The following ADGRL3 variants were observed in gnomAD, a reference collection of about 807,000 sequenced individuals.
The protein encoded by ADGRL3 is calcium-independent alpha-latrotoxin receptor 3.
Under a neutral mutation model 153.5 loss-of-function variants are expected in ADGRL3, and 62 were observed. The ratio of observed to expected loss-of-function variants is 0.40; its 90% CI spans 0.33 to 0.50. The LOEUF is 0.50. ADGRL3 is among the 20% of genes least tolerant of loss of function. The pLI is 0.47. For missense variants in ADGRL3, 1,641 were observed against 1,859.4 expected, an observed-to-expected ratio of 0.88 and a Z score of 2.16; for synonymous variants, 710 against 672.5, an observed-to-expected ratio of 1.06 and a Z score of -0.86.
intron 6 of ADGRL3, among the ~76,000 whole-genome samples, chr4:61,688,030 T>G (rs1241842655): frequency 6.6e-6 from 1 of 152,080 alleles, no homozygotes; most frequent in Non-Finnish European, 1.5e-5. Context: ...CTCATCATTC[T>G]GTCATCATCC....
chr4:61,287,038 G>T (rs527319858), intron 1 of ADGRL3, among the ~76,000 whole-genome samples: 1 of 151,796 alleles, frequency 6.6e-6, no homozygotes, highest in East Asian at 1.9e-4. Flanking sequence ...CATGTTTAAT[G>T]ATTAACATCA....
intron 6 of ADGRL3, among the ~76,000 whole-genome samples, chr4:61,682,253 C>T (rs959557940): frequency 6.6e-6 from 1 of 151,830 alleles, no homozygotes; most frequent in Non-Finnish European, 1.5e-5. Flanking sequence ...ATGTTCCTCT[C>T]TCTGTATCAG....
At chr4:61,584,595 A>T (rs1406431868) in intron 4 of ADGRL3, among the ~76,000 whole-genome samples, 2 of 151,984 alleles carry the variant, frequency 1.3e-5, no homozygotes, top group African/African-American at 4.8e-5. Context: ...AAAAAACTTA[A>T]TTGACTGGTT....
intron 1 of ADGRL3, among the ~76,000 whole-genome samples, chr4:61,276,255 T>C (rs1454288921): frequency 6.6e-6 from 1 of 152,190 alleles, no homozygotes; most frequent in Non-Finnish European, 1.5e-5. Context: ...AGTGCTTCCC[T>C]GACAAACCCC....
chr4:61,843,501 C>T (rs2098064914), intron 9 of ADGRL3, among the ~76,000 whole-genome samples: 1 of 151,966 alleles, frequency 6.6e-6, no homozygotes, highest in Non-Finnish European at 1.5e-5. Flanking sequence ...TTGGCTGATA[C>T]AATATGCAAG....
At chr4:61,691,900 A>AT (rs1260206946) in intron 6 of ADGRL3, among the ~76,000 whole-genome samples, 1 of 152,058 alleles carries the variant, frequency 6.6e-6, no homozygotes, top group African/African-American at 2.4e-5. Context: ...TTGCTAGGTA[A>AT]TTTTTTGATG....
At chr4:61,830,750 G>A (rs1456845392) in intron 9 of ADGRL3, among the ~76,000 whole-genome samples, 1 of 152,140 alleles carries the variant, frequency 6.6e-6, no homozygotes, top group Non-Finnish European at 1.5e-5. Context: ...GATGGTATGA[G>A]AATTAATCTA....
intron 8 of ADGRL3, among the ~76,000 whole-genome samples, chr4:61,803,842 T>C (rs1488350026): frequency 6.6e-6 from 1 of 152,208 alleles, no homozygotes; most frequent in Non-Finnish European, 1.5e-5. Flanking sequence ...TTACTTTTTA[T>C]AGACAACTAT....
chr4:61,866,134 GA>G (rs1035133867), intron 9 of ADGRL3, among the ~76,000 whole-genome samples: 32 of 152,304 alleles, frequency 2.1e-4, no homozygotes, highest in African/African-American at 7.7e-4. Flanking sequence ...CTGCCCCTGA[GA>G]AATTTATGCA....
At chr4:62,005,967 TACACACACACACACAC>T (rs59783179) in intron 21 of ADGRL3, among the ~76,000 whole-genome samples, 2 of 67,718 alleles carry the variant, frequency 3.0e-5, no homozygotes, top group East Asian at 6.7e-4. Context: ...TATATACACA[TACACACACACACACAC>T]ACACACACAC....
chr4:61,381,420 C>G (rs1283628679), intron 1 of ADGRL3, among the ~76,000 whole-genome samples: 1 of 151,098 alleles, frequency 6.6e-6, no homozygotes, highest in South Asian at 2.1e-4. Context: ...AGGGGTGATA[C>G]AGATTGAAGA....
At chr4:61,835,338 A>G (rs1248716133) in intron 9 of ADGRL3, among the ~76,000 whole-genome samples, 2 of 66,672 alleles carry the variant, frequency 3.0e-5, no homozygotes, top group African/African-American at 1.1e-4. Context: ...GGCAAGACTG[A>G]AAAAAAAAAA....
At chr4:61,552,280 G>A (rs2098743880) in intron 4 of ADGRL3, among the ~76,000 whole-genome samples, 1 of 151,970 alleles carries the variant, frequency 6.6e-6, no homozygotes, top group African/African-American at 2.4e-5. Context: ...TTAATCTATA[G>A]TTCAGGTAAC....
rs1043076474 is a variant in ADGRL3 at position 61,414,675 on chromosome 4, T to G, written c.-174+31486T>G. 3.4e-5 allele frequency among the ~76,000 whole-genome samples: 5 copies of G among 147,696 alleles called. No individual in the cohort carries two copies. In the East Asian group the frequency reaches 5.9e-4, roughly 17 times the overall value. On this transcript the variant is annotated intron_variant, in intron 2 of 26. Coordinates refer to ENST00000683033, the MANE Select transcript of ADGRL3 (RefSeq NM_001387552.1). ...GTCAAAATATGAGAATTGCTTTATG[T>G]TTTTTTTTTGGAATAATATATCAAA...
At chr4:61,408,688 A>G (rs1043511859) in intron 2 of ADGRL3, among the ~76,000 whole-genome samples, 8 of 152,114 alleles carry the variant, frequency 5.3e-5, no homozygotes, top group Admixed American at 2.0e-4. Context: ...CAAAAGAATC[A>G]GTAATGATAC....
intron 9 of ADGRL3, among the ~76,000 whole-genome samples, chr4:61,890,030 C>A (rs565416013): frequency 5.3e-5 from 8 of 152,156 alleles, no homozygotes; most frequent in Non-Finnish European, 1.0e-4. Flanking sequence ...ACAATTAATT[C>A]TTACTCTAGT....
At chr4:61,375,109 A>G (rs2096588081) in intron 1 of ADGRL3, among the ~76,000 whole-genome samples, 1 of 152,074 alleles carries the variant, frequency 6.6e-6, no homozygotes, top group Non-Finnish European at 1.5e-5. Flanking sequence ...TGGAACTGAC[A>G]TTCAGAAACT....
intron 4 of ADGRL3, among the ~76,000 whole-genome samples, chr4:61,554,549 A>T (rs2098756667): frequency 6.6e-6 from 1 of 151,912 alleles, no homozygotes; most frequent in South Asian, 2.1e-4. Flanking sequence ...CTTTCTTACC[A>T]CTATCTGTGT....
rs1363893765 is a variant in ADGRL3 at position 62,078,309 on chromosome 4, C to T, written c.*7401C>T. 4 of 151,574 alleles carry T rather than the reference C, an allele frequency of 2.6e-5. No homozygotes were observed. Among genetic ancestry groups the T allele is most frequent in the Non-Finnish European group, 5.9e-5 (4 of 67,794 alleles). The allele number at this position is 151,574 out of a possible 1,614,324, so 9.4% of individuals were successfully genotyped here. On this transcript the variant is annotated 3_prime_UTR_variant, in exon 27 of 27. Transcript: ENST00000683033. ...ACATGTAAAGTCATGAGCTACAAACCTCAATAAAAATATCAGTAAACAAGA... is the reference window on the plus strand; with the variant it reads ...ACATGTAAAGTCATGAGCTACAAACTTCAATAAAAATATCAGTAAACAAGA...
Sources: allele counts gnomAD v4.1 joint callset (sites outside exome capture counted in the v4.1 genomes callset), GRCh38; gene constraint gnomAD v4.1.1; transcripts MANE v1.5; gene names NCBI Gene and HGNC (gene_info 2026-07-23, HGNC 2026-07-21).